Variants in PRTFDC1 observed in about 807,000 individuals in gnomAD.
The protein encoded by PRTFDC1 is phosphoribosyltransferase domain-containing protein 1.
In PRTFDC1, 38 loss-of-function variants were observed where a neutral mutation model predicts 34.6. That is an observed-to-expected ratio of 1.10 (90% CI 0.85 to 1.44). The LOEUF (loss-of-function observed/expected upper bound fraction) is 1.44. PRTFDC1 is among the 40% of genes most tolerant of loss of function. PRTFDC1 has a pLI of 0.00. For missense variants in PRTFDC1, 270 were observed against 283.0 expected (o/e 0.95, Z 0.33); for synonymous variants, 93 against 98.1 (o/e 0.95, Z 0.31).
intron 3 of PRTFDC1, among the ~76,000 whole-genome samples, chr10:24,896,124 C>T (rs1848358300): frequency 6.6e-6 from 1 of 152,086 alleles, no homozygotes; most frequent in African/African-American, 2.4e-5. Flanking sequence ...AAACCCCAGG[C>T]TGTGGATTGG....
At chr10:24,944,693 G>A (rs1849226283) in intron 1 of PRTFDC1, among the ~76,000 whole-genome samples, 1 of 152,204 alleles carries the variant, frequency 6.6e-6, no homozygotes, top group African/African-American at 2.4e-5. Flanking sequence ...CAAGGTAGGA[G>A]GATCACTTGA....
intron 7 of PRTFDC1, among the ~76,000 whole-genome samples, chr10:24,853,130 G>T (rs1020944712): frequency 5.3e-5 from 8 of 152,010 alleles, no homozygotes; most frequent in Non-Finnish European, 1.2e-4. Context: ...CAGGAGAAAG[G>T]AACGCAAAGT....
At chr10:24,944,627 T>TA (rs895186619) in intron 1 of PRTFDC1, among the ~76,000 whole-genome samples, 2 of 151,898 alleles carry the variant, frequency 1.3e-5, no homozygotes, top group Non-Finnish European at 2.9e-5. Context: ...TGCAAAAAAT[T>TA]AAAAAATTAG....
intron 3 of PRTFDC1, among the ~76,000 whole-genome samples, chr10:24,892,558 G>C (rs1272655508): frequency 6.6e-6 from 1 of 151,940 alleles, no homozygotes; most frequent in East Asian, 1.9e-4. Flanking sequence ...ATTCTTCATA[G>C]AAACAGAAAA....
chr10:24,908,400 A>G (rs778874037), intron 3 of PRTFDC1: 12 of 1,415,966 alleles, frequency 8.5e-6, no homozygotes, highest in Non-Finnish European at 1.1e-5. Flanking sequence ...CAGCAGACAC[A>G]GTGTCCAGTT....
In PRTFDC1 at chr10:24,862,004, A is replaced by G. The variant is rs113009579; in HGVS notation, c.406-3595T>C. On this transcript the variant is annotated intron_variant, in intron 4 of 8. Coordinates refer to ENST00000320152, the MANE Select transcript of PRTFDC1 (RefSeq NM_020200.7). ...ACATATAAATATATACCTGTCAAAG[A>G]AAGTTTGTACTTTCTATAATATATA... Among the ~76,000 whole-genome samples the G allele has an allele frequency of 2.8e-3, 433 of 152,156 alleles. 4 individuals carry two copies. The highest frequency in any genetic ancestry group is 0.01 in the African/African-American group (417 of 41,544).
intron 3 of PRTFDC1, among the ~76,000 whole-genome samples, chr10:24,907,210 TC>T (rs1398239926): frequency 7.6e-6 from 1 of 132,062 alleles, no homozygotes; most frequent in Non-Finnish European, 1.8e-5. Flanking sequence ...AGACCCTGTC[TC>T]TAAAAAAAAA....
At chr10:24,883,683 A>G (rs1483339408) in intron 3 of PRTFDC1, among the ~76,000 whole-genome samples, 1 of 152,208 alleles carries the variant, frequency 6.6e-6, no homozygotes, top group East Asian at 1.9e-4. Flanking sequence ...TTTTTAAATC[A>G]TGAGGCAGAG....
At chr10:24,859,605 A>C (rs905929058) in intron 4 of PRTFDC1, among the ~76,000 whole-genome samples, 2 of 152,196 alleles carry the variant, frequency 1.3e-5, no homozygotes, top group African/African-American at 4.8e-5. Context: ...AGATGCCAGC[A>C]CCATGCTTCC....
Position 24,901,993 on chromosome 10 carries a change from G to A in PRTFDC1, c.340-29930C>T, listed in dbSNP as rs180896545. Among the ~76,000 whole-genome samples the A allele has an allele frequency of 5.3e-5, 8 of 152,276 alleles. No homozygotes were observed. In the East Asian group the frequency reaches 1.4e-3, roughly 26 times the overall value. On this transcript the variant is annotated intron_variant, in intron 3 of 8. Coordinates refer to ENST00000320152, the MANE Select transcript of PRTFDC1 (RefSeq NM_020200.7). ...AATTCCTGCACCCTTTATCTAAGGC[G>A]TGGTTGGTTGTTAGGAGGTGGTGGA...
chr10:24,871,971 G>T, intron 4 of PRTFDC1, 27 bp downstream of exon 4: 1 of 1,581,498 alleles, frequency 6.3e-7, no homozygotes, highest in Non-Finnish European at 8.7e-7. Context: ...ACCTCAATGC[G>T]GTCTGAGCAC....
intron 3 of PRTFDC1, among the ~76,000 whole-genome samples, chr10:24,894,699 A>C (rs1248908169): frequency 6.6e-6 from 1 of 152,148 alleles, no homozygotes; most frequent in Admixed American, 6.5e-5. Context: ...AAAATGTTTC[A>C]GTGCTGAAAA....
chr10:24,876,392 A>C (rs1471179797), intron 3 of PRTFDC1, among the ~76,000 whole-genome samples: 1 of 151,970 alleles, frequency 6.6e-6, no homozygotes, highest in East Asian at 1.9e-4. Context: ...GACAGGATTA[A>C]TTTCTTTTTA....
chr10:24,904,825 T>A (rs865973515), intron 3 of PRTFDC1, among the ~76,000 whole-genome samples: 1 of 152,218 alleles, frequency 6.6e-6, no homozygotes, highest in Non-Finnish European at 1.5e-5. Context: ...ATCCTCCACC[T>A]TCAACCCCAT....
rs773002149 is a variant in PRTFDC1, at chr10:24,937,379, A to T, written c.156-12T>A. The stretch of plus-strand genomic sequence containing the variant: ...CCAGCCGCTCAATTCTGAAAGAAGG[A>T]TAAAAGATATATTAAGGCACAACTA... On this transcript the variant is annotated splice_polypyrimidine_tract_variant and intron_variant, in intron 2 of 8. Transcript: ENST00000320152. 23 of 1,600,518 alleles carry T rather than the reference A, an allele frequency of 1.4e-5. 1 individual carries two copies. The highest frequency in any genetic ancestry group is 3.3e-4 in the Middle Eastern group (2 of 6,014).
intron 3 of PRTFDC1, among the ~76,000 whole-genome samples, chr10:24,904,244 T>G (rs1284715327): frequency 7.0e-6 from 1 of 142,430 alleles, no homozygotes; most frequent in African/African-American, 2.7e-5. Flanking sequence ...TAAGATTCTC[T>G]TTCATCTAAA....
chr10:24,917,432 A>G (rs1293876875), intron 3 of PRTFDC1, among the ~76,000 whole-genome samples: 1 of 152,144 alleles, frequency 6.6e-6, no homozygotes, highest in Non-Finnish European at 1.5e-5. Context: ...GTCTTCTCTT[A>G]TTCTGTTACA....
intron 1 of PRTFDC1, among the ~76,000 whole-genome samples, chr10:24,949,480 C>T (rs1360924712): frequency 1.3e-5 from 2 of 152,178 alleles, no homozygotes; most frequent in Non-Finnish European, 2.9e-5. Context: ...CCAGCTCTCC[C>T]TTCCCTCCTG....
At chr10:24,913,564 G>A (rs1012177574) in intron 3 of PRTFDC1, among the ~76,000 whole-genome samples, 3 of 152,184 alleles carry the variant, frequency 2.0e-5, no homozygotes, top group Admixed American at 6.5e-5. Flanking sequence ...TTAGAATCAA[G>A]TTAAGCTTAA....
Sources: allele counts gnomAD v4.1 joint callset (sites outside exome capture counted in the v4.1 genomes callset), GRCh38; gene constraint gnomAD v4.1.1; transcripts MANE v1.5; gene names NCBI Gene and HGNC (gene_info 2026-07-23, HGNC 2026-07-21).